HERC1: variants seen among roughly 807,000 people sequenced by gnomAD.
HERC1 encodes the protein probable E3 ubiquitin-protein ligase HERC1.
In HERC1, 160 loss-of-function variants were observed where a neutral mutation model predicts 554.3. The ratio of observed to expected loss-of-function variants is 0.29; its 90% CI spans 0.25 to 0.33. HERC1 has a LOEUF of 0.33. Ranked by LOEUF, HERC1 falls within the 10% of genes least tolerant of loss-of-function variation. HERC1 has a pLI of 1.00. For missense variants in HERC1, 4,919 were observed against 5,918.5 expected (o/e 0.83, Z 5.54); for synonymous variants, 2,175 against 2,131.7 (o/e 1.02, Z -0.56).
At position 63,645,467 on chromosome 15, in the gene HERC1, C is replaced by G. The variant is rs1226217624; in HGVS notation, c.11078+16G>C. ...ATATAAAAACTAAGACGTATAGATG[C>G]AAATTGACAACATACGTAGCCATCA... is the stretch of plus-strand genomic sequence containing the variant. On this transcript the variant is annotated intron_variant, in intron 56 of 77. Coordinates refer to ENST00000443617, the MANE Select transcript of HERC1 (RefSeq NM_003922.4). The G allele has an allele frequency of 1.9e-6, 3 of 1,590,242 alleles. No homozygotes were observed. In the African/African-American group the frequency reaches 4.0e-5, roughly 21 times the overall value.
At chr15:63,686,943 G>C (rs1460481924) in intron 33 of HERC1, among the ~76,000 whole-genome samples, 1 of 152,204 alleles carries the variant, frequency 6.6e-6, no homozygotes, top group Non-Finnish European at 1.5e-5. Context: ...AGTGTGTACA[G>C]CATGTGCCAA....
In HERC1 at chr15:63,774,956, G is replaced by C. The variant is rs1308670319; in HGVS notation, c.668C>G (p.Ser223Trp). 1 of 1,613,964 alleles carries C rather than the reference G, an allele frequency of 6.2e-7. No individual in the cohort carries two copies. Among genetic ancestry groups the C allele is most frequent in the Non-Finnish European group, 8.5e-7 (1 of 1,179,852 alleles). The change falls in exon 2 of 78, where the codon TCG becomes TGG. Residue 223 changes from serine (S) to tryptophan (W), a missense_variant. Coordinates refer to ENST00000443617, the MANE Select transcript of HERC1 (RefSeq NM_003922.4). ...TCCTTTAAGAAATGTTGTTACTTGC[G>C]ATAAGCAGTCCAAGCCCATAGGAGG... is the stretch of plus-strand genomic sequence containing the variant. ...KIPPMGLDCL[S>W]QVTTFLKGVT...
intron 1 of HERC1, among the ~76,000 whole-genome samples, chr15:63,811,103 C>A (rs917280323): frequency 1.3e-5 from 2 of 151,954 alleles, no homozygotes; most frequent in Non-Finnish European, 2.9e-5. Context: ...GTGATTGGAT[C>A]CTGGACCCGA....
At chr15:63,637,283 T>C in intron 64 of HERC1, 1 of 575,944 alleles carries the variant, frequency 1.7e-6, no homozygotes, top group South Asian at 1.9e-5. Context: ...TCAAAAAGTG[T>C]TATTTATATT....
chr15:63,790,902 C>A (rs1188422343), intron 1 of HERC1, among the ~76,000 whole-genome samples: 1 of 151,574 alleles, frequency 6.6e-6, no homozygotes, highest in Admixed American at 6.6e-5. Flanking sequence ...AAGTTATAAT[C>A]CCTATCCTAT....
At chr15:63,631,128 G>A (rs2068533117) in intron 68 of HERC1, among the ~76,000 whole-genome samples, 1 of 152,158 alleles carries the variant, frequency 6.6e-6, no homozygotes, top group African/African-American at 2.4e-5. Flanking sequence ...ACAGGCACAT[G>A]CCACCATGCC....
intron 32 of HERC1, among the ~76,000 whole-genome samples, chr15:63,690,249 C>T (rs1204653127): frequency 2.6e-5 from 4 of 150,962 alleles, no homozygotes; most frequent in Non-Finnish European, 5.9e-5. Context: ...CTGATTAGGA[C>T]ACTCCCACAT....
At chr15:63,751,117 G>C (rs1260153165) in intron 8 of HERC1, among the ~76,000 whole-genome samples, 1 of 152,160 alleles carries the variant, frequency 6.6e-6, no homozygotes, top group Non-Finnish European at 1.5e-5. Flanking sequence ...AATCACTCAT[G>C]AGGTATCATA....
In HERC1 at chr15:63,674,733, T is replaced by C; in HGVS notation, c.7455A>G (p.Lys2485=). The part of the protein sequence containing the change: ...VESQHQITEG[K]RKNHEHMSKN... Reference sequence around the variant, plus strand: ...TGGACATGTGTTCATGATTTTTTCTTTTCCCTTCTGTTATTTGATGTTGGG... The same window carrying C: ...TGGACATGTGTTCATGATTTTTTCTCTTCCCTTCTGTTATTTGATGTTGGG... The change falls in exon 38 of 78, where the codon AAA becomes AAG. Residue 2485 remains lysine (K), a synonymous_variant. Transcript: ENST00000443617. The C allele has an allele frequency of 1.9e-6, 3 of 1,613,824 alleles. No homozygotes were observed. The highest frequency in any genetic ancestry group is 1.1e-5 in the South Asian group (1 of 91,034).
chr15:63,615,226 T>C (rs187178837), intron 76 of HERC1, among the ~76,000 whole-genome samples: 1 of 152,136 alleles, frequency 6.6e-6, no homozygotes, highest in African/African-American at 2.4e-5. Flanking sequence ...ACAGTCTCAA[T>C]CCAACCAAAG....
At chr15:63,662,271 G>C (rs1488449970) in intron 44 of HERC1, among the ~76,000 whole-genome samples, 1 of 151,832 alleles carries the variant, frequency 6.6e-6, no homozygotes, top group Non-Finnish European at 1.5e-5. Flanking sequence ...ACTGAGAAGA[G>C]TTAATGAACA....
chr15:63,689,772 G>T, intron 32 of HERC1, 73 bp from the exon 33 acceptor site: 1 of 850,496 alleles, frequency 1.2e-6, no homozygotes, highest in Non-Finnish European at 1.8e-6. Flanking sequence ...GCTGTATCAT[G>T]TTAACTGTAA....
intron 1 of HERC1, chr15:63,780,325 A>G (rs777741701): frequency 3.3e-5 from 5 of 152,176 alleles, no homozygotes; most frequent in Non-Finnish European, 5.9e-5. Context: ...GTAAATCCAT[A>G]TATTTTCCAA....
Position 63,716,426 on chromosome 15 carries a change from T to G in HERC1, c.4026A>C (p.Ser1342=), listed in dbSNP as rs532855900. 6.2e-7 allele frequency: 1 copy of G among 1,613,868 alleles called. No individual in the cohort carries two copies. Among genetic ancestry groups the G allele is most frequent in the East Asian group, 2.2e-5 (1 of 44,862 alleles). ...CTTCTTCATCAATAGTTCGAGTAAATGAATGCTCCTGAGGATCAACATCTG... is the reference window on the plus strand; with the variant it reads ...CTTCTTCATCAATAGTTCGAGTAAAGGAATGCTCCTGAGGATCAACATCTG... The part of the protein sequence containing the change: ...DSADVDPQEH[S]FTRTIDEEAE... The change falls in exon 22 of 78, where the codon TCA becomes TCC. Residue 1342 remains serine (S), a synonymous_variant. Coordinates refer to ENST00000443617, the MANE Select transcript of HERC1 (RefSeq NM_003922.4).
chr15:63,815,491 G>A (rs916469517), intron 1 of HERC1, among the ~76,000 whole-genome samples: 1 of 152,174 alleles, frequency 6.6e-6, no homozygotes, highest in Non-Finnish European at 1.5e-5. Flanking sequence ...ACCGTGCCTG[G>A]ATGTAGTAAA....
At chr15:63,793,098 C>T (rs2076701711) in intron 1 of HERC1, among the ~76,000 whole-genome samples, 1 of 152,320 alleles carries the variant, frequency 6.6e-6, no homozygotes, top group South Asian at 2.1e-4. Flanking sequence ...CTTTCACGCC[C>T]TCTCTGGGGA....
chr15:63,732,818 G>A (rs1373361735), intron 14 of HERC1, 106 bp downstream of exon 14: 2 of 734,428 alleles, frequency 2.7e-6, no homozygotes, highest in Non-Finnish European at 2.3e-6. Flanking sequence ...GGGGAGAGGG[G>A]TCTAGAGTTT....
chr15:63,775,581 G>A lies in HERC1; in HGVS notation c.43C>T (p.His15Tyr). Residue 15 changes from histidine to tyrosine, a missense_variant, in exon 2 of 78, where the codon CAC becomes TAC. Coordinates refer to ENST00000443617, the MANE Select transcript of HERC1 (RefSeq NM_003922.4). This position sits in a 1 kb window ranked among gnomAD's most constrained non-coding sequence, Gnocchi z 4.0. ...IPPVKLKWLE[H>Y]LNSSWITEDS... is the part of the protein sequence containing the mutation. ...TCTGTAATCCAGGAGCTGTTCAAGT[G>A]TTCAAGCCATTTCAGCTTCACTGGT... The A allele has an allele frequency of 6.2e-7, 1 of 1,608,182 alleles. No individual in the cohort carries two copies. The highest frequency in any genetic ancestry group is 8.5e-7 in the Non-Finnish European group (1 of 1,177,574).
chr15:63,659,818 C>A lies in HERC1; in HGVS notation c.9342G>T (p.Gln3114His), dbSNP rs776367958. 10 of 1,613,800 alleles carry A rather than the reference C, an allele frequency of 6.2e-6. No homozygotes were observed. The highest frequency in any genetic ancestry group is 7.6e-6 in the Non-Finnish European group (9 of 1,179,848). ...CTCCCAGTGGATCGCTGTCAGGGAA[C>A]TGAACTGGTTCTGGTACAATGCGCC... is the stretch of plus-strand genomic sequence containing the variant. ...NDRRIVPEPV[Q>H]FPDSDPLGAS... is the part of the protein sequence containing the mutation. The change falls in exon 47 of 78, where the codon CAG becomes CAT. Residue 3114 changes from glutamine to histidine, a missense_variant. Around this residue, in one of 11 missense-constraint regions of HERC1, gnomAD observed 1,963 missense variants for 2,228.6 expected, o/e 0.88. Transcript: ENST00000443617.
Sources: gnomAD v4.1 joint callset for allele counts (sites outside exome capture counted in the v4.1 genomes callset) on GRCh38, gnomAD v4.1.1 for gene constraint, gnomAD v4.1.1 regional missense constraint, Gnocchi (gnomAD v3.1) non-coding constraint, MANE v1.5 for transcripts, NCBI Gene and HGNC (gene_info 2026-07-23, HGNC 2026-07-21) for gene names.